The following EYA4 variants were observed in gnomAD, a reference collection of about 807,000 sequenced individuals.
EYA4 encodes the protein protein phosphatase EYA4.
In EYA4, 31 loss-of-function variants were observed where a neutral mutation model predicts 87.9. That is an observed-to-expected ratio of 0.35 (90% CI 0.27 to 0.48). The LOEUF (loss-of-function observed/expected upper bound fraction) is 0.48, where lower values mean the gene tolerates loss of function less well. Ranked by LOEUF, EYA4 falls within the 20% of genes least tolerant of loss-of-function variation. The pLI, the probability that EYA4 is intolerant of heterozygous loss-of-function variation, is 0.99. For synonymous variants in EYA4, 263 were observed against 270.6 expected, an observed-to-expected ratio of 0.97 and a Z score of 0.28; for missense variants, 678 against 761.4, an observed-to-expected ratio of 0.89 and a Z score of 1.29.
At position 133,376,305 on chromosome 6, in the gene EYA4, A is replaced by G. The variant is rs370318682; in HGVS notation, c.34-6087A>G. ...TTACCATCCATAAGAATATATATTA[A>G]TAAATTATTTATTACATAAACTTTC... On this transcript the variant is annotated intron_variant, in intron 2 of 19. Coordinates refer to ENST00000355286, the MANE Select transcript of EYA4 (RefSeq NM_004100.5). Among the ~76,000 whole-genome samples the G allele has an allele frequency of 5.3e-5, 8 of 151,946 alleles. 1 individual carries two copies. Among genetic ancestry groups the G allele is most frequent in the East Asian group, 3.9e-4 (2 of 5,186 alleles).
intron 11 of EYA4, among the ~76,000 whole-genome samples, chr6:133,480,929 AG>A (rs1796156681): frequency 7.0e-6 from 1 of 142,948 alleles, no homozygotes. Context: ...AGTGACCCCA[AG>A]AAATGGGAGA....
At chr6:133,357,403 G>T (rs1013573284) in intron 2 of EYA4, among the ~76,000 whole-genome samples, 24 of 151,292 alleles carry the variant, frequency 1.6e-4, no homozygotes, top group Non-Finnish European at 3.1e-4. Flanking sequence ...AATGTATTTT[G>T]CAGAAATATC....
chr6:133,268,679 G>A (rs546779211), intron 1 of EYA4, among the ~76,000 whole-genome samples: 98 of 152,098 alleles, frequency 6.4e-4, no homozygotes, highest in African/African-American at 2.2e-3. Flanking sequence ...TGGGCCAGGG[G>A]ACAGTTCACA....
At chr6:133,381,131 G>A (rs1243636914) in intron 2 of EYA4, among the ~76,000 whole-genome samples, 1 of 136,684 alleles carries the variant, frequency 7.3e-6, no homozygotes, top group African/African-American at 2.7e-5. Flanking sequence ...CATGTTAAAG[G>A]CATAGAAGAC....
intron 2 of EYA4, among the ~76,000 whole-genome samples, chr6:133,370,284 G>C (rs1204580667): frequency 6.6e-6 from 1 of 152,208 alleles, no homozygotes; most frequent in Admixed American, 6.5e-5. Flanking sequence ...TTTGAATGAG[G>C]TAAGTTGCAT....
Position 133,527,055 on chromosome 6 carries a change from G to A in EYA4, c.1840-1670G>A, listed in dbSNP as rs551501660. ...TTGTTATACCTAAAACTTCAGGAGG[G>A]AAACGCATAACCCTGAATGGAAAAC... On this transcript the variant is annotated intron_variant, in intron 19 of 19. Coordinates refer to ENST00000355286, the MANE Select transcript of EYA4 (RefSeq NM_004100.5). 4.6e-5 allele frequency among the ~76,000 whole-genome samples: 7 copies of A among 152,284 alleles called. No homozygotes were observed. In the South Asian group the frequency reaches 1.4e-3, roughly 32 times the overall value.
intron 3 of EYA4, among the ~76,000 whole-genome samples, chr6:133,427,462 A>G (rs1790771317): frequency 6.6e-6 from 1 of 152,226 alleles, no homozygotes; most frequent in Non-Finnish European, 1.5e-5. Flanking sequence ...TACTCAAAGT[A>G]AAAAAGTAGA....
intron 1 of EYA4, chr6:133,246,815 T>A (rs888380578): frequency 6.6e-6 from 1 of 152,174 alleles, no homozygotes; most frequent in Non-Finnish European, 1.5e-5. Flanking sequence ...AATTTTAATC[T>A]TCTTAACTAT....
intron 3 of EYA4, among the ~76,000 whole-genome samples, chr6:133,416,813 C>T (rs1789755864): frequency 6.6e-6 from 1 of 152,222 alleles, no homozygotes; most frequent in African/African-American, 2.4e-5. Flanking sequence ...CATACCTTGA[C>T]TCACACATGA....
chr6:133,459,601 A>G (rs553681441), intron 6 of EYA4, among the ~76,000 whole-genome samples: 51 of 152,248 alleles, frequency 3.3e-4, no homozygotes, highest in African/African-American at 1.2e-3. Flanking sequence ...AGTATTTGGT[A>G]TTGTTAATCG....
At chr6:133,242,258 C>T (rs1309538374) in intron 1 of EYA4, among the ~76,000 whole-genome samples, 12 of 152,184 alleles carry the variant, frequency 7.9e-5, no homozygotes, top group Admixed American at 7.9e-4. Flanking sequence ...TGGGCTTTCC[C>T]GGTGCCGGGT....
At chr6:133,468,536 C>A in intron 10 of EYA4, 30 bp from the exon 11 acceptor site, 3 of 1,564,786 alleles carry the variant, frequency 1.9e-6, no homozygotes, top group Non-Finnish European at 1.8e-6. Flanking sequence ...ATTTCTCTTT[C>A]AAACACACAC....
chr6:133,448,330 A>G (rs1793067416), intron 5 of EYA4, 151 bp downstream of exon 5: 2 of 698,212 alleles, frequency 2.9e-6, no homozygotes, highest in Middle Eastern at 4.7e-4. Context: ...GTTTATTGAC[A>G]GCAGTTGGTT....
intron 3 of EYA4, among the ~76,000 whole-genome samples, chr6:133,393,572 T>G (rs549877386): frequency 2.0e-5 from 3 of 152,254 alleles, no homozygotes; most frequent in East Asian, 3.9e-4. Context: ...CGTGGCATGT[T>G]CAGGTGACAG....
At chr6:133,444,122 A>G (rs1008395329) in intron 3 of EYA4, among the ~76,000 whole-genome samples, 2 of 152,180 alleles carry the variant, frequency 1.3e-5, no homozygotes, top group Non-Finnish European at 2.9e-5. Context: ...GGTTACTGTG[A>G]AAACTGTGTC....
At chr6:133,346,265 A>G (rs879200809) in intron 2 of EYA4, among the ~76,000 whole-genome samples, 1 of 152,348 alleles carries the variant, frequency 6.6e-6, no homozygotes, top group South Asian at 2.1e-4. Context: ...TTTTGGTCAG[A>G]TTTGGGGCTA....
At chr6:133,334,239 T>G (rs926270834) in intron 2 of EYA4, among the ~76,000 whole-genome samples, 3 of 152,174 alleles carry the variant, frequency 2.0e-5, no homozygotes, top group African/African-American at 7.2e-5. Flanking sequence ...TTTTAAAAAA[T>G]CCGATTTTAA....
At chr6:133,330,021 A>C (rs778749494) in intron 2 of EYA4, among the ~76,000 whole-genome samples, 20 of 152,074 alleles carry the variant, frequency 1.3e-4, no homozygotes, top group Non-Finnish European at 2.4e-4. Flanking sequence ...ATTTAATGAA[A>C]CAATGTACAG....
At chr6:133,363,686 A>G (rs372979637) in intron 2 of EYA4, among the ~76,000 whole-genome samples, 1 of 152,178 alleles carries the variant, frequency 6.6e-6, no homozygotes. Context: ...TGTGTTAGCC[A>G]GGATGGTCTG....
Sources: gnomAD v4.1 joint callset for allele counts (sites outside exome capture counted in the v4.1 genomes callset) on GRCh38, gnomAD v4.1.1 for gene constraint, MANE v1.5 for transcripts, NCBI Gene and HGNC (gene_info 2026-07-23, HGNC 2026-07-21) for gene names.